DPYS: variants seen among roughly 807,000 people sequenced by gnomAD.
DPYS encodes the protein dihydropyrimidine amidohydrolase.
DPYS carries 39 observed loss-of-function variants against 50.3 expected under a neutral mutation model. The observed-to-expected ratio is 0.78, with a 90% CI of 0.60 to 1.01. DPYS has a LOEUF of 1.01. Ranked by LOEUF, DPYS falls within the 50% of genes least tolerant of loss-of-function variation. The pLI is 0.00. For synonymous variants in DPYS, 245 were observed against 250.7 expected, an observed-to-expected ratio of 0.98 and a Z score of 0.22; for missense variants, 659 against 680.9, an observed-to-expected ratio of 0.97 and a Z score of 0.36.
intron 1 of DPYS, among the ~76,000 whole-genome samples, chr8:104,460,471 T>C (rs1388279743): frequency 3.3e-5 from 5 of 152,214 alleles, no homozygotes; most frequent in African/African-American, 1.2e-4. Context: ...TCATGCCTCC[T>C]GTACAGCCTG....
intron 3 of DPYS, among the ~76,000 whole-genome samples, chr8:104,446,214 T>C (rs879077460): frequency 6.6e-6 from 1 of 152,114 alleles, no homozygotes; most frequent in East Asian, 1.9e-4. Context: ...AAATATCTCA[T>C]GCACCTCATA....
intron 2 of DPYS, 96 bp from the exon 3 acceptor site, chr8:104,447,599 G>A: frequency 1.4e-6 from 2 of 1,400,460 alleles, no homozygotes; most frequent in Non-Finnish European, 1.0e-6. Context: ...AGAGAACTAA[G>A]TAAAATAAGG....
At chr8:104,408,723 C>G (rs1812077078) in intron 7 of DPYS, among the ~76,000 whole-genome samples, 1 of 152,044 alleles carries the variant, frequency 6.6e-6, no homozygotes. Flanking sequence ...CAGAGTCATT[C>G]CTTGAGGCCA....
chr8:104,412,507 A>G (rs1812217936), intron 7 of DPYS, among the ~76,000 whole-genome samples: 1 of 152,218 alleles, frequency 6.6e-6, no homozygotes, highest in Non-Finnish European at 1.5e-5. Context: ...AAATACGTGC[A>G]GACTCAAGTC....
rs1446225611 is a variant in DPYS, at chr8:104,399,301, A to C, written c.1236-6310T>G. Among the ~76,000 whole-genome samples, 29 of 42,892 alleles carry C rather than the reference A, an allele frequency of 6.8e-4. 3 individuals carry two copies. Among genetic ancestry groups the C allele is most frequent in the Admixed American group, 1.6e-3 (9 of 5,762 alleles). The allele number at this position is 42,892 out of a possible 152,430, so 28.1% of individuals were successfully genotyped here. ...GTGAGACTCCATCTCAAAAAAAAAAAAAAAAAAAACAACAACAAAAAAAAA... is the reference window on the plus strand; with the variant it reads ...GTGAGACTCCATCTCAAAAAAAAAACAAAAAAAAACAACAACAAAAAAAAA... On this transcript the variant is annotated intron_variant, in intron 7 of 9. Transcript: ENST00000351513.
chr8:104,440,136 C>G, intron 4 of DPYS, among the ~76,000 whole-genome samples: 1 of 135,716 alleles, frequency 7.4e-6, no homozygotes, highest in South Asian at 2.1e-4. Flanking sequence ...TAAAATACTA[C>G]TATGTGCCAG....
At chr8:104,455,041 G>C (rs1047389682) in intron 1 of DPYS, among the ~76,000 whole-genome samples, 2 of 152,178 alleles carry the variant, frequency 1.3e-5, no homozygotes, top group Admixed American at 1.3e-4. Context: ...AGAAAACCCA[G>C]ATGACGGGCT....
chr8:104,433,846 A>G (rs914576125), intron 4 of DPYS, among the ~76,000 whole-genome samples: 2 of 151,870 alleles, frequency 1.3e-5, no homozygotes, highest in South Asian at 4.2e-4. Flanking sequence ...CGCATCTTTT[A>G]AAACACAAGA....
chr8:104,394,632 T>C (rs1811517063), intron 7 of DPYS, among the ~76,000 whole-genome samples: 2 of 151,886 alleles, frequency 1.3e-5, no homozygotes, highest in Middle Eastern at 3.4e-3. Context: ...CTTACCACTC[T>C]CCACAAAGCT....
intron 7 of DPYS, among the ~76,000 whole-genome samples, chr8:104,411,519 C>T (rs1027603392): frequency 4.0e-5 from 6 of 151,696 alleles, no homozygotes; most frequent in East Asian, 3.9e-4. Flanking sequence ...GGAGGGCTCA[C>T]GGGAAGAAAA....
intron 7 of DPYS, among the ~76,000 whole-genome samples, chr8:104,412,194 G>A (rs1405962254): frequency 6.6e-6 from 1 of 152,142 alleles, no homozygotes; most frequent in Non-Finnish European, 1.5e-5. Flanking sequence ...CCGATGTCCA[G>A]GAGCGTTGGC....
intron 1 of DPYS, among the ~76,000 whole-genome samples, chr8:104,462,798 T>C (rs1200210135): frequency 1.3e-5 from 2 of 152,248 alleles, no homozygotes; most frequent in Non-Finnish European, 2.9e-5. Context: ...AAAAATTCCA[T>C]TGTCCTTCCT....
chr8:104,405,129 A>G (rs1350245119), intron 7 of DPYS, among the ~76,000 whole-genome samples: 17 of 152,244 alleles, frequency 1.1e-4, no homozygotes, highest in Admixed American at 1.1e-3. Flanking sequence ...AGGGACACGA[A>G]TGACTGTCCC....
At chr8:104,449,737 T>C (rs563873386) in intron 2 of DPYS, among the ~76,000 whole-genome samples, 10 of 152,330 alleles carry the variant, frequency 6.6e-5, no homozygotes, top group Non-Finnish European at 1.3e-4. Context: ...ATGATGCTTC[T>C]ACAAGACAAG....
intron 4 of DPYS, among the ~76,000 whole-genome samples, chr8:104,434,056 T>C (rs1284617079): frequency 2.0e-5 from 3 of 152,196 alleles, no homozygotes; most frequent in Non-Finnish European, 2.9e-5. Context: ...TCTAGTTTTA[T>C]ACATTTTAGG....
chr8:104,382,681 G>C (rs888739921), intron 8 of DPYS, among the ~76,000 whole-genome samples: 2 of 151,998 alleles, frequency 1.3e-5, no homozygotes, highest in South Asian at 2.1e-4. Context: ...CATAATTAAC[G>C]TAAGTATAAT....
At chr8:104,444,552 G>C in intron 3 of DPYS, 115 bp from the exon 4 acceptor site, 1 of 1,047,694 alleles carries the variant, frequency 9.5e-7, no homozygotes, top group Non-Finnish European at 1.4e-6. Flanking sequence ...AGGTATAGGG[G>C]TGTGTGTGTG....
intron 9 of DPYS, 59 bp downstream of exon 9, chr8:104,381,125 G>A (rs1234693455): frequency 2.4e-5 from 33 of 1,389,114 alleles, no homozygotes; most frequent in Non-Finnish European, 3.2e-5. Flanking sequence ...CTTATGAGGA[G>A]AGATGCTAAT....
Position 104,381,333 on chromosome 8 carries a change from T to A in DPYS, c.1444-19A>T, listed in dbSNP as rs760059736. On this transcript the variant is annotated intron_variant, in intron 8 of 9. Coordinates refer to ENST00000351513, the MANE Select transcript of DPYS (RefSeq NM_001385.3). The stretch of plus-strand genomic sequence containing the variant: ...TGCAAGTCTGAAAGAGAACATTTCA[T>A]TTCTCTCTTGTGGTTTATTTTCTTG... 1.3e-6 allele frequency: 2 copies of A among 1,599,082 alleles called. No homozygotes were observed. Among genetic ancestry groups the A allele is most frequent in the East Asian group, 4.5e-5 (2 of 44,810 alleles).
Sources: gnomAD v4.1 joint callset for allele counts (sites outside exome capture counted in the v4.1 genomes callset) on GRCh38, gnomAD v4.1.1 for gene constraint, MANE v1.5 for transcripts, NCBI Gene and HGNC (gene_info 2026-07-23, HGNC 2026-07-21) for gene names.